Variants in TUB observed in about 807,000 individuals in gnomAD.
TUB encodes TUB bipartite transcription factor, also known as tubby protein homolog.
A neutral mutation model predicts 59.7 loss-of-function variants in TUB; 33 were observed. That is an observed-to-expected ratio of 0.55 (90% CI 0.42 to 0.74). TUB has a LOEUF of 0.74. TUB is among the 30% of genes least tolerant of loss of function. The pLI is 0.00. For synonymous variants in TUB, 293 were observed against 256.4 expected (o/e 1.14, Z -1.36); for missense variants, 659 against 672.0 (o/e 0.98, Z 0.21).
chr11:8,038,661 T>G, exon 1 of TUB: 1 of 1,347,322 alleles, frequency 7.4e-7, no homozygotes, highest in Non-Finnish European at 9.5e-7. Context: ...TCCTGAAGGG[T>G]TTGGGGGGAG....
chr11:8,054,053 T>G (rs1277364245), intron 2 of TUB, among the ~76,000 whole-genome samples: 4 of 150,246 alleles, frequency 2.7e-5, no homozygotes, highest in Non-Finnish European at 5.9e-5. Context: ...AGGCGGAGCT[T>G]GCAGTGAGCC....
At chr11:8,076,964 T>C (rs1299586271), upstream of TUB, 1 of 152,222 alleles carries the variant, frequency 6.6e-6, no homozygotes, top group Non-Finnish European at 1.5e-5. Flanking sequence ...ATGGTCTTTG[T>C]ATATTCTGCA....
At chr11:8,053,319 A>G (rs1306379445) in intron 2 of TUB, among the ~76,000 whole-genome samples, 1 of 152,160 alleles carries the variant, frequency 6.6e-6, no homozygotes, top group African/African-American at 2.4e-5. Context: ...TGCTAAATAT[A>G]TTTTTAATAA....
chr11:8,094,042 G>A lies in TUB; in HGVS notation c.254-4G>A. On this transcript the variant is annotated splice_region_variant and splice_polypyrimidine_tract_variant and intron_variant, in intron 3 of 11. Transcript: ENST00000299506. ...CTCTCCATCTGGGGATGTTTCCTGAGCAGTTCAAGAGGCCGACTCACTCGC... is the reference window on the plus strand; with the variant it reads ...CTCTCCATCTGGGGATGTTTCCTGAACAGTTCAAGAGGCCGACTCACTCGC... 1 of 1,614,168 alleles carries A rather than the reference G, an allele frequency of 6.2e-7. No individual in the cohort carries two copies. The highest frequency in any genetic ancestry group is 8.5e-7 in the Non-Finnish European group (1 of 1,180,040).
chr11:8,064,515 G>C (rs1943199261), intron 2 of TUB, among the ~76,000 whole-genome samples: 1 of 152,214 alleles, frequency 6.6e-6, no homozygotes, highest in South Asian at 2.1e-4. Flanking sequence ...GGCTGGGTAA[G>C]ATCAGTAACA....
intron 2 of TUB, chr11:8,067,896 T>C (rs1445200948): frequency 6.6e-6 from 1 of 152,264 alleles, no homozygotes; most frequent in East Asian, 1.9e-4. Flanking sequence ...CACATCTGAA[T>C]AGTAACTCAC....
chr11:8,095,662 A>G lies in TUB; in HGVS notation c.562A>G (p.Lys188Glu). The change falls in exon 5 of 12, where the codon AAG becomes GAG. Residue 188 changes from lysine (K) to glutamate (E), a missense_variant. Physicochemically the swap from Lys to Glu is moderately conservative, Grantham distance 56 (BLOSUM62 1). This residue lies in a region of TUB where 321 missense variants were observed against 304.3 expected (regional missense o/e 1.05). Coordinates refer to ENST00000299506, the MANE Select transcript of TUB (RefSeq NM_177972.3). ...GQDLRATMQR[K>E]GISSSMSFDE... is the part of the protein sequence containing the mutation. ...GGATCTCCGTGCCACGATGCAGAGG[A>G]AGGGTGAGCCCCATGGGGACCCAGT... The G allele has an allele frequency of 6.3e-7, 1 of 1,596,946 alleles. No homozygotes were observed. Among genetic ancestry groups the G allele is most frequent in the Non-Finnish European group, 8.5e-7 (1 of 1,171,924 alleles).
At chr11:8,078,513 A>G (rs1263533848), upstream of TUB, among the ~76,000 whole-genome samples, 1 of 152,054 alleles carries the variant, frequency 6.6e-6, no homozygotes, top group Non-Finnish European at 1.5e-5. Flanking sequence ...TAGCTTTTTG[A>G]TGGAAGCCAA....
At chr11:8,072,346 A>C (rs944578592) in intron 2 of TUB, among the ~76,000 whole-genome samples, 3 of 151,960 alleles carry the variant, frequency 2.0e-5, no homozygotes, top group African/African-American at 7.3e-5. Context: ...GAGCCTAGGC[A>C]GGGCAGCAGT....
Position 8,073,756 on chromosome 11 carries a change from G to C in TUB, c.204-15854G>C, listed in dbSNP as rs564525591. 7.2e-5 allele frequency among the ~76,000 whole-genome samples: 11 copies of C among 152,374 alleles called. 2 individuals carry two copies. The South Asian group carries it at 2.3e-3, about 32-fold the overall frequency. On this transcript the variant is annotated intron_variant, in intron 2 of 12. Transcript: ENST00000305253. Reference sequence around the variant, plus strand: ...AATCTCAGCCTGTGCTCCCCAGAGAGCTGGGCTTAGATGCCCCCTGGGCAA... The same window carrying C: ...AATCTCAGCCTGTGCTCCCCAGAGACCTGGGCTTAGATGCCCCCTGGGCAA...
In TUB at chr11:8,024,827, T is replaced by C. The variant is rs143443020; in HGVS notation, c.56+5469T>C. Among the ~76,000 whole-genome samples the C allele has an allele frequency of 4.0e-3, 602 of 152,338 alleles. 10 individuals are homozygous for C. Among genetic ancestry groups the C allele is most frequent in the East Asian group, 0.032 (167 of 5,174 alleles). ...CTGACTGCATTGTTTTGCAATTATG[T>C]TTGTGTGTGTGAGTGTGACCTCTCA... On this transcript the variant is annotated intron_variant, in intron 1 of 11. Coordinates refer to the TUB transcript ENST00000534099.
chr11:8,035,252 G>A (rs2178152), upstream of TUB, among the ~76,000 whole-genome samples: 101,437 of 152,198 alleles, frequency 0.67, 36,379 homozygotes, highest in East Asian at 0.98. Flanking sequence ...CTGGATTTGC[G>A]GGCCTTGTAT....
intron 3 of TUB, among the ~76,000 whole-genome samples, chr11:8,093,477 T>C (rs777941944): frequency 4.6e-5 from 7 of 152,164 alleles, no homozygotes; most frequent in Non-Finnish European, 1.0e-4. Context: ...TTCTGCAGTA[T>C]GGAGAATTTG....
intron 3 of TUB, among the ~76,000 whole-genome samples, chr11:8,093,523 G>A (rs1943852827): frequency 6.6e-6 from 1 of 152,192 alleles, no homozygotes; most frequent in East Asian, 1.9e-4. Flanking sequence ...AGACCTCACT[G>A]TTGGTGCCTG....
At position 8,039,676 on chromosome 11, in the gene TUB, G is replaced by A. The variant is rs145295329; in HGVS notation, c.187G>A (p.Gly63Arg). Reference sequence around the variant, plus strand: ...AACCAGGAGGAAGTACTGGAAGGAAGGAAGGGAGATCGCTCGGTGAGCTGG... The same window carrying A: ...AACCAGGAGGAAGTACTGGAAGGAAAGAAGGGAGATCGCTCGGTGAGCTGG... Residue 63 changes from glycine to arginine, a missense_variant, in exon 2 of 13, where the codon GGA becomes AGA. By Grantham distance (125) the Gly-to-Arg change is moderately radical. Coordinates refer to the TUB transcript ENST00000305253. 5.2e-6 allele frequency: 8 copies of A among 1,541,972 alleles called. No individual in the cohort carries two copies. The African/African-American group carries it at 8.2e-5, about 16-fold the overall frequency.
Position 8,046,725 on chromosome 11 carries a change from G to A in TUB, c.203+7033G>A, listed in dbSNP as rs186537824. On this transcript the variant is annotated intron_variant, in intron 2 of 12. Coordinates refer to the TUB transcript ENST00000305253. ...CCAGCCTATCTTACTCCAAGCCATGGGCCACACTGAAGCCAGAGTCAGTTT... is the reference window on the plus strand; with the variant it reads ...CCAGCCTATCTTACTCCAAGCCATGAGCCACACTGAAGCCAGAGTCAGTTT... Among the ~76,000 whole-genome samples, 13 of 152,124 alleles carry A rather than the reference G, an allele frequency of 8.5e-5. No individual in the cohort carries two copies. The East Asian group carries it at 1.7e-3, about 20-fold the overall frequency.
In TUB at chr11:8,039,111, C is replaced by T; in HGVS notation, c.155+83C>T. On this transcript the variant is annotated intron_variant, in intron 1 of 12. Transcript: ENST00000305253. Reference sequence around the variant, plus strand: ...CCACCCACCCTCACTGACCTCAACCCTTTACAGTCCCAAGGCCTCCCCTTC... The same window carrying T: ...CCACCCACCCTCACTGACCTCAACCTTTTACAGTCCCAAGGCCTCCCCTTC... 5.9e-6 allele frequency: 9 copies of T among 1,512,736 alleles called. No homozygotes were observed. The South Asian group carries it at 6.4e-5, about 11-fold the overall frequency. The allele number at this position is 1,512,736 out of a possible 1,614,324, so 93.7% of individuals were successfully genotyped here.
At position 8,097,421 on chromosome 11, in the gene TUB, A is replaced by C. The variant is rs778664528; in HGVS notation, c.881A>C (p.Lys294Thr). The C allele has an allele frequency of 6.2e-7, 1 of 1,614,196 alleles. No individual in the cohort carries two copies. Among genetic ancestry groups the C allele is most frequent in the Middle Eastern group, 1.7e-4 (1 of 6,056 alleles). ...YFLHLDREDG[K>T]KVFLLAGRKR... Reference sequence around the variant, plus strand: ...CTGCACCTGGACCGTGAGGATGGGAAGAAGGTAAGGTTGGTCTGGGCATGT... The same window carrying C: ...CTGCACCTGGACCGTGAGGATGGGACGAAGGTAAGGTTGGTCTGGGCATGT... Residue 294 changes from lysine (K) to threonine (T), a missense_variant, in exon 7 of 12, where the codon AAG (lysine) becomes ACG (threonine). This residue lies in a region of TUB where 112 missense variants were observed against 156.9 expected (regional missense o/e 0.71). Transcript: ENST00000299506.
At chr11:8,066,853 C>T (rs547262294) in intron 2 of TUB, among the ~76,000 whole-genome samples, 67 of 152,308 alleles carry the variant, frequency 4.4e-4, no homozygotes, top group African/African-American at 1.4e-3. Context: ...TTGCAAATGA[C>T]CTCTAGTCCT....
Sources: allele counts gnomAD v4.1 joint callset (sites outside exome capture counted in the v4.1 genomes callset), GRCh38; gene constraint gnomAD v4.1.1; regional missense constraint gnomAD v4.1.1; transcripts MANE v1.5; gene names NCBI Gene and HGNC (gene_info 2026-07-23, HGNC 2026-07-21).